The following TMEM273 variants were observed in gnomAD, a reference collection of about 807,000 sequenced individuals.
TMEM273 encodes the protein chromosome 10 open reading frame 128.
TMEM273 carries 19 observed loss-of-function variants against 17.9 expected under a neutral mutation model. The observed-to-expected ratio is 1.06, with a 90% CI of 0.74 to 1.55. TMEM273 has a LOEUF of 1.55. Among genes scored for constraint, TMEM273 ranks in the 40% most tolerant of loss-of-function variants. The probability of loss-of-function intolerance (pLI) is 0.00; values close to 1 mark genes in which losing one functional copy is unlikely to be tolerated. For missense variants in TMEM273, 194 were observed against 155.6 expected, an observed-to-expected ratio of 1.25 and a Z score of -1.31; for synonymous variants, 66 against 62.0, an observed-to-expected ratio of 1.07 and a Z score of -0.31.
chr10:49,167,973 A>C lies in TMEM273; in HGVS notation c.44-11T>G. 1.9e-6 allele frequency: 3 copies of C among 1,614,018 alleles called. No individual in the cohort carries two copies. Among genetic ancestry groups the C allele is most frequent in the Non-Finnish European group, 2.5e-6 (3 of 1,179,970 alleles). ...GAGCTCCTCCTACATCTGCAAAGAA[A>C]GAAACCCCAGAGCCTGGTTAGAACA... On this transcript the variant is annotated splice_polypyrimidine_tract_variant and intron_variant, in intron 1 of 6. Coordinates refer to ENST00000374153, the MANE Select transcript of TMEM273 (RefSeq NM_001288740.3).
intron 1 of TMEM273, among the ~76,000 whole-genome samples, chr10:49,169,994 C>T (rs1340688815): frequency 6.6e-6 from 1 of 152,154 alleles, no homozygotes; most frequent in Non-Finnish European, 1.5e-5. Context: ...GCTCACCCCA[C>T]GCCCTCCCCC....
rs1554850127 is a variant in TMEM273, at chr10:49,186,097, A to AAGG, written c.43+2196_43+2197insCCT. Among the ~76,000 whole-genome samples, 130 of 117,164 alleles carry AAGG rather than the reference A, an allele frequency of 1.1e-3. 3 individuals are homozygous for AAGG. Among genetic ancestry groups the AAGG allele is most frequent in the African/African-American group, 2.2e-3 (81 of 37,202 alleles). 76.9% of individuals were successfully genotyped at this position (117,164 alleles called of 152,430 possible). Reference sequence around the variant, plus strand: ...GAAGAAGAAGAAGAAGAAGAAGAAGAAGAAGAAGAAGAGGAAGAAGAAGAA... The same window carrying AAGG: ...GAAGAAGAAGAAGAAGAAGAAGAAGAAGGAGAAGAAGAAGAGGAAGAAGAAGAA... On this transcript the variant is annotated intron_variant, in intron 1 of 6. Coordinates refer to ENST00000374153, the MANE Select transcript of TMEM273 (RefSeq NM_001288740.3).
At chr10:49,172,196 G>C (rs1846618859) in intron 1 of TMEM273, among the ~76,000 whole-genome samples, 1 of 152,088 alleles carries the variant, frequency 6.6e-6, no homozygotes, top group South Asian at 2.1e-4. Flanking sequence ...CTCCTAACAG[G>C]GCTCACACAT....
Position 49,167,905 on chromosome 10 carries a change from G to A in TMEM273, c.97+4C>T, listed in dbSNP as rs548785991. On this transcript the variant is annotated splice_donor_region_variant and intron_variant, in intron 2 of 6. Coordinates refer to ENST00000374153, the MANE Select transcript of TMEM273 (RefSeq NM_001288740.3). ...TGCACAGAATAACATGGGCAGCCACGTACCAATTTCAGCCCCAGGGGTCTT... is the reference window on the plus strand; with the variant it reads ...TGCACAGAATAACATGGGCAGCCACATACCAATTTCAGCCCCAGGGGTCTT... 1.3e-5 allele frequency: 21 copies of A among 1,613,942 alleles called. No individual in the cohort carries two copies. The highest frequency in any genetic ancestry group is 3.3e-5 in the Admixed American group (2 of 60,002).
At chr10:49,156,830 G>C (rs999381806) in intron 6 of TMEM273, among the ~76,000 whole-genome samples, 14 of 152,194 alleles carry the variant, frequency 9.2e-5, no homozygotes, top group African/African-American at 3.1e-4. Flanking sequence ...AGAGCTTGAT[G>C]GCAGTAGAAC....
intron 6 of TMEM273, 117 bp downstream of exon 6, chr10:49,161,482 G>T (rs1296136565): frequency 1.5e-6 from 2 of 1,326,592 alleles, no homozygotes; most frequent in East Asian, 2.3e-5. Context: ...GCCATGCCAT[G>T]GTTGCCCGTC....
rs139778550 is a variant in TMEM273, at chr10:49,170,467, C to G, written c.44-2505G>C. Among the ~76,000 whole-genome samples the G allele has an allele frequency of 1.2e-4, 19 of 152,342 alleles. No homozygotes were observed. In the East Asian group the frequency reaches 3.7e-3, roughly 29 times the overall value. On this transcript the variant is annotated intron_variant, in intron 1 of 6. Transcript: ENST00000374153. ...AAGAGGCCAGTCCCTTAGGCACCAT[C>G]CTCTATGTCCCATCCTGTGTCCCCT... is the stretch of plus-strand genomic sequence containing the variant.
chr10:49,177,794 G>C (rs1323422947), intron 1 of TMEM273, among the ~76,000 whole-genome samples: 1 of 152,218 alleles, frequency 6.6e-6, no homozygotes, highest in African/African-American at 2.4e-5. Flanking sequence ...AGCCCTCCTT[G>C]CCACACAGCC....
intron 1 of TMEM273, chr10:49,178,121 C>T (rs1009474509): frequency 4.4e-6 from 2 of 451,132 alleles, no homozygotes; most frequent in Admixed American, 2.4e-5. Context: ...GTTTAAAATC[C>T]TACAGAATAA....
chr10:49,181,870 GT>G (rs1847364101), intron 1 of TMEM273, among the ~76,000 whole-genome samples: 1 of 152,056 alleles, frequency 6.6e-6, no homozygotes, highest in South Asian at 2.1e-4. Context: ...ATTTTTGTTC[GT>G]AAAAGACCCT....
intron 2 of TMEM273, 127 bp downstream of exon 2, chr10:49,167,782 G>A: frequency 8.3e-7 from 1 of 1,201,652 alleles, no homozygotes; most frequent in Non-Finnish European, 1.2e-6. Flanking sequence ...CTGGAGGTGA[G>A]GGTGCCCCTT....
intron 1 of TMEM273, among the ~76,000 whole-genome samples, chr10:49,172,772 T>C (rs1365311053): frequency 6.6e-6 from 1 of 152,148 alleles, no homozygotes. Flanking sequence ...GAGGTGCAAG[T>C]GGCAGCTGCC....
intron 1 of TMEM273, among the ~76,000 whole-genome samples, chr10:49,183,380 T>G (rs1007378140): frequency 1.3e-5 from 2 of 151,740 alleles, no homozygotes; most frequent in South Asian, 2.1e-4. Flanking sequence ...TGTGTGTGTA[T>G]AGAGAGAGAA....
intron 6 of TMEM273, chr10:49,161,247 A>AT: frequency 3.4e-6 from 1 of 291,892 alleles, no homozygotes; most frequent in Non-Finnish European, 6.4e-6. Context: ...ATGTTTGGGA[A>AT]TTTTTTTCAT....
At chr10:49,160,279 A>G (rs1182071156) in intron 6 of TMEM273, 1 of 152,198 alleles carries the variant, frequency 6.6e-6, no homozygotes, top group African/African-American at 2.4e-5. Context: ...CACTCCCTTA[A>G]CCAAGCAAAC....
intron 5 of TMEM273, among the ~76,000 whole-genome samples, chr10:49,163,304 TGTGAGA>T (rs1377031763): frequency 1.3e-4 from 20 of 150,158 alleles, no homozygotes; most frequent in Admixed American, 1.3e-3. Flanking sequence ...TGTGTGTGTG[TGTGAGA>T]GAGAGAGAGA....
At chr10:49,157,160 AG>A (rs977326948) in intron 6 of TMEM273, among the ~76,000 whole-genome samples, 2 of 152,236 alleles carry the variant, frequency 1.3e-5, no homozygotes, top group African/African-American at 4.8e-5. Flanking sequence ...GGGCAGCCCA[AG>A]AGAGCAGCCT....
intron 3 of TMEM273, among the ~76,000 whole-genome samples, chr10:49,166,183 T>C (rs748672904): frequency 5.3e-5 from 8 of 152,124 alleles, no homozygotes; most frequent in Non-Finnish European, 1.0e-4. Flanking sequence ...GCACCGTCAT[T>C]GCAGTGAGCC....
At chr10:49,175,992 C>T (rs1846935059) in intron 1 of TMEM273, among the ~76,000 whole-genome samples, 1 of 152,182 alleles carries the variant, frequency 6.6e-6, no homozygotes, top group African/African-American at 2.4e-5. Context: ...CCATGACTCC[C>T]ATGGTGGGTG....
Sources: gnomAD v4.1 joint callset for allele counts (sites outside exome capture counted in the v4.1 genomes callset) on GRCh38, gnomAD v4.1.1 for gene constraint, MANE v1.5 for transcripts, NCBI Gene and HGNC (gene_info 2026-07-23, HGNC 2026-07-21) for gene names.